Variants in STS observed in about 807,000 individuals in gnomAD.
STS encodes the protein steroid sulfatase, also known as steryl-sulfatase.
STS carries 7 observed loss-of-function variants against 26.8 expected under a neutral mutation model. The observed-to-expected ratio is 0.26, with a 90% confidence interval of 0.15 to 0.49. The LOEUF (loss-of-function observed/expected upper bound fraction) is 0.49, where lower values mean the gene tolerates loss of function less well. STS is among the 20% of genes least tolerant of loss of function. The pLI, the probability that STS is intolerant of heterozygous loss-of-function variation, is 0.98. For missense variants in STS, 434 were observed against 465.6 expected (o/e 0.93, Z 0.63); for synonymous variants, 199 against 189.4 (o/e 1.05, Z -0.42).
At chrX:7,205,343 A>G (rs1277190398) in intron 2 of STS, among the ~76,000 whole-genome samples, 2 of 111,732 alleles carry the variant, frequency 1.8e-5, no homozygotes, top group Non-Finnish European at 3.8e-5. Flanking sequence ...AAAAGTGACA[A>G]CTCTATGCTG....
intron 6 of STS, among the ~76,000 whole-genome samples, chrX:7,274,818 A>T (rs1443584139): frequency 8.9e-6 from 1 of 112,207 alleles, no homozygotes; most frequent in Non-Finnish European, 1.9e-5. Flanking sequence ...TGAAAATTTC[A>T]GTATTGACCA....
At chrX:7,306,260 A>G (rs1926210342) in intron 8 of STS, among the ~76,000 whole-genome samples, 1 of 111,518 alleles carries the variant, frequency 9.0e-6, no homozygotes, top group African/African-American at 3.3e-5. Context: ...CAGACATTAC[A>G]TGACACACAA....
chrX:7,212,723 G>A (rs1921085626), intron 2 of STS, among the ~76,000 whole-genome samples: 1 of 111,564 alleles, frequency 9.0e-6, no homozygotes, highest in African/African-American at 3.3e-5. Context: ...GGTAATTGAT[G>A]AATTATACTA....
At chrX:7,238,821 G>T (rs1922453052) in intron 2 of STS, among the ~76,000 whole-genome samples, 1 of 110,529 alleles carries the variant, frequency 9.0e-6, no homozygotes, top group African/African-American at 3.3e-5. Context: ...GACAGAGTGA[G>T]ACCTTGTCTC....
intron 1 of STS, among the ~76,000 whole-genome samples, chrX:7,156,733 C>A (rs1310037840): frequency 8.9e-6 from 1 of 112,131 alleles, no homozygotes; most frequent in African/African-American, 3.2e-5. Context: ...AAATCTGCTC[C>A]TGCAAAATGG....
At chrX:7,284,543 C>T (rs1345585488) in intron 7 of STS, among the ~76,000 whole-genome samples, 3 of 112,488 alleles carry the variant, frequency 2.7e-5, no homozygotes, top group Non-Finnish European at 5.6e-5. Context: ...CAAATGTATC[C>T]CCTAGTCTCT....
At chrX:7,235,416 C>T (rs139229515) in intron 2 of STS, among the ~76,000 whole-genome samples, 2,731 of 111,864 alleles carry the variant, frequency 0.024, 51 homozygotes, top group African/African-American at 0.054. Context: ...ATTCCAGTTG[C>T]CTTGGTCTGT....
chrX:7,180,696 G>T (rs1362634349), intron 1 of STS, among the ~76,000 whole-genome samples: 1 of 112,173 alleles, frequency 8.9e-6, no homozygotes, highest in Non-Finnish European at 1.9e-5. Flanking sequence ...TTTAATGAAT[G>T]TTACTGTAGT....
At chrX:7,214,999 TAC>T (rs1419523297) in intron 2 of STS, among the ~76,000 whole-genome samples, 1 of 67,270 alleles carries the variant, frequency 1.5e-5, no homozygotes, top group Non-Finnish European at 2.7e-5. Flanking sequence ...TACGTATATA[TAC>T]ATATATACGT....
intron 3 of STS, among the ~76,000 whole-genome samples, chrX:7,256,440 T>G (rs1259854163): frequency 8.9e-6 from 1 of 111,881 alleles, no homozygotes; most frequent in Non-Finnish European, 1.9e-5. Context: ...CATTTATTGA[T>G]GCTCACTGGT....
intron 10 of STS, among the ~76,000 whole-genome samples, chrX:7,347,928 A>T (rs1306989508): frequency 9.0e-6 from 1 of 111,586 alleles, no homozygotes; most frequent in Non-Finnish European, 1.9e-5. Context: ...TCTTAAGGTT[A>T]CTTGCTGCCT....
chrX:7,323,885 C>G (rs1927207357), intron 8 of STS, among the ~76,000 whole-genome samples: 1 of 110,852 alleles, frequency 9.0e-6, no homozygotes, highest in African/African-American at 3.3e-5. Flanking sequence ...AAGTCAGCAG[C>G]ATAGCATCTT....
intron 2 of STS, among the ~76,000 whole-genome samples, chrX:7,200,649 T>A (rs1019723901): frequency 1.8e-5 from 2 of 111,542 alleles, no homozygotes; most frequent in Admixed American, 1.9e-4. Context: ...AGGACAAAAA[T>A]GGATGCCCCA....
intron 2 of STS, among the ~76,000 whole-genome samples, chrX:7,195,528 A>G (rs1933958001): frequency 2.7e-5 from 3 of 112,601 alleles, no homozygotes; most frequent in South Asian, 7.3e-4. Context: ...ACTTTGTTCT[A>G]TGTTTTAAAA....
chrX:7,214,708 C>T (rs1373285388), intron 2 of STS, among the ~76,000 whole-genome samples: 1 of 108,024 alleles, frequency 9.3e-6, no homozygotes, highest in Non-Finnish European at 1.9e-5. Context: ...CTCACCCTTT[C>T]CCCCTGAGTC....
At chrX:7,277,316 TAACTC>T (rs1303793745) in intron 7 of STS, among the ~76,000 whole-genome samples, 4 of 112,096 alleles carry the variant, frequency 3.6e-5, no homozygotes, top group Non-Finnish European at 7.5e-5. Flanking sequence ...TTTGGTGAAA[TAACTC>T]AATAGTTTCT....
chrX:7,302,463 A>G (rs1926010747), intron 7 of STS, among the ~76,000 whole-genome samples: 2 of 111,677 alleles, frequency 1.8e-5, no homozygotes, highest in South Asian at 7.6e-4. Context: ...TGTCTGCCTG[A>G]TCATGATTTA....
At chrX:7,330,300 G>A (rs887062671) in intron 9 of STS, among the ~76,000 whole-genome samples, 1 of 111,837 alleles carries the variant, frequency 8.9e-6, no homozygotes, top group Non-Finnish European at 1.9e-5. Flanking sequence ...TATTGCCATA[G>A]TATGAGTATG....
chrX:7,179,219 T>G (rs1192304091), intron 1 of STS, among the ~76,000 whole-genome samples: 1 of 111,438 alleles, frequency 9.0e-6, no homozygotes, highest in Non-Finnish European at 1.9e-5. Context: ...CTTTCTCTAG[T>G]CCTTCTCGTG....
Sources: allele counts gnomAD v4.1 joint callset (sites outside exome capture counted in the v4.1 genomes callset), GRCh38; gene constraint gnomAD v4.1.1; transcripts MANE v1.5; gene names NCBI Gene and HGNC (gene_info 2026-07-23, HGNC 2026-07-21).